The following LTA4H variants were observed in gnomAD, a reference collection of about 807,000 sequenced individuals.
LTA4H encodes the protein leukotriene A4 hydrolase.
LTA4H carries 59 observed loss-of-function variants against 89.8 expected under a neutral mutation model. The observed-to-expected ratio is 0.66, with a 90% CI of 0.53 to 0.82. The LOEUF is 0.82. LTA4H is among the 40% of genes least tolerant of loss of function. The pLI is 0.00. For missense variants in LTA4H, 617 were observed against 727.0 expected (o/e 0.85, Z 1.74); for synonymous variants, 227 against 253.1 (o/e 0.90, Z 0.98).
chr12:96,021,548 GC>G (rs1950452502), intron 5 of LTA4H, among the ~76,000 whole-genome samples: 2 of 151,868 alleles, frequency 1.3e-5, no homozygotes, highest in African/African-American at 4.8e-5. Context: ...AGCACTATTG[GC>G]ATGTTGTAGA....
chr12:96,019,879 C>T (rs894222526), intron 6 of LTA4H, among the ~76,000 whole-genome samples: 3 of 148,590 alleles, frequency 2.0e-5, no homozygotes, highest in African/African-American at 4.9e-5. Context: ...GGATTACAGG[C>T]GTGAGCCACC....
At chr12:96,038,326 CT>C (rs1950665065), upstream of LTA4H, among the ~76,000 whole-genome samples, 1 of 152,172 alleles carries the variant, frequency 6.6e-6, no homozygotes, top group Non-Finnish European at 1.5e-5. Flanking sequence ...ACTATGAAAT[CT>C]AATACCTTAC....
upstream of LTA4H, chr12:96,035,615 G>A (rs1950633692): frequency 7.5e-6 from 11 of 1,467,176 alleles, no homozygotes; most frequent in Non-Finnish European, 9.1e-6. Context: ...GAGAGGTAAA[G>A]AAGAGGAGGA....
At chr12:96,017,463 C>T in intron 9 of LTA4H, 94 bp downstream of exon 9, 1 of 1,094,512 alleles carries the variant, frequency 9.1e-7, no homozygotes, top group Non-Finnish European at 1.4e-6. Flanking sequence ...TCCATTATAA[C>T]CATATCTTTA....
intron 1 of LTA4H, among the ~76,000 whole-genome samples, chr12:96,042,761 C>T (rs947439692): frequency 2.6e-5 from 4 of 152,146 alleles, no homozygotes; most frequent in African/African-American, 9.7e-5. Flanking sequence ...ATTCCTGTAA[C>T]CGGTTACAGA....
At chr12:96,016,409 GAGACC>G in intron 10 of LTA4H, among the ~76,000 whole-genome samples, 1 of 151,778 alleles carries the variant, frequency 6.6e-6, no homozygotes, top group South Asian at 2.1e-4. Flanking sequence ...TCAGGAGTTT[GAGACC>G]AGTCTGGGCG....
chr12:96,024,631 C>T, intron 3 of LTA4H, 84 bp from the exon 4 acceptor site: 7 of 834,766 alleles, frequency 8.4e-6, no homozygotes, highest in Non-Finnish European at 1.2e-5. Flanking sequence ...CAGCATTGTT[C>T]TTAGACATTA....
At chr12:96,020,127 A>T (rs1192821256) in intron 6 of LTA4H, among the ~76,000 whole-genome samples, 1 of 148,560 alleles carries the variant, frequency 6.7e-6, no homozygotes, top group Non-Finnish European at 1.5e-5. Flanking sequence ...CTGGTCTTGA[A>T]CTCCTGGGCT....
Position 96,014,845 on chromosome 12 carries a change from A to G in LTA4H, c.1204+10T>C. On this transcript the variant is annotated intron_variant, in intron 12 of 18. Transcript: ENST00000228740. Reference sequence around the variant, plus strand: ...AAGAAAAAAAAAATCATAAAATACCAACTACTTACCTGGTCCTCCAAGCAG... The same window carrying G: ...AAGAAAAAAAAAATCATAAAATACCGACTACTTACCTGGTCCTCCAAGCAG... 6.3e-7 allele frequency: 1 copy of G among 1,587,220 alleles called. No homozygotes were observed. The highest frequency in any genetic ancestry group is 8.5e-7 in the Non-Finnish European group (1 of 1,173,126).
chr12:96,024,709 C>T (rs1283301775), intron 3 of LTA4H, among the ~76,000 whole-genome samples, 162 bp from the exon 4 acceptor site: 1 of 149,324 alleles, frequency 6.7e-6, no homozygotes, highest in Admixed American at 6.7e-5. Context: ...ACTCTTGTTG[C>T]CCAGGCTGGA....
intron 16 of LTA4H, 103 bp downstream of exon 16, chr12:96,006,211 C>T (rs1363479330): frequency 1.0e-5 from 6 of 583,694 alleles, no homozygotes; most frequent in South Asian, 5.3e-5. Context: ...TGATTTTTTC[C>T]CCATTAGTTT....
intron 3 of LTA4H, among the ~76,000 whole-genome samples, chr12:96,024,800 C>G (rs1260384500): frequency 1.3e-5 from 2 of 151,902 alleles, no homozygotes; most frequent in Admixed American, 1.3e-4. Context: ...TCCCGAGTAG[C>G]TGGGATTACA....
chr12:96,020,568 G>GATA (rs1171496439), intron 6 of LTA4H: 3 of 152,492 alleles, frequency 2.0e-5, no homozygotes, highest in African/African-American at 7.2e-5. Flanking sequence ...CAACAATGTG[G>GATA]ATATACTTAA....
At chr12:96,043,189 T>G in intron 1 of LTA4H, 1 of 838,026 alleles carries the variant, frequency 1.2e-6, no homozygotes, top group Non-Finnish European at 1.9e-6. Flanking sequence ...GTTGGCAAAG[T>G]GAGAACATGT....
intron 1 of LTA4H, among the ~76,000 whole-genome samples, chr12:96,034,086 G>C (rs1439777404): frequency 1.3e-5 from 2 of 152,164 alleles, no homozygotes; most frequent in Non-Finnish European, 2.9e-5. Flanking sequence ...TCATATTAAT[G>C]AAATCAAAAT....
At chr12:96,018,994 AG>A in intron 7 of LTA4H, 91 bp from the exon 8 acceptor site, 1 of 1,294,796 alleles carries the variant, frequency 7.7e-7, no homozygotes, top group East Asian at 2.4e-5. Context: ...GAAGGTTACA[AG>A]TTAATGATTT....
At chr12:96,026,763 GAAGT>G (rs150764705) in intron 3 of LTA4H, among the ~76,000 whole-genome samples, 1,656 of 152,292 alleles carry the variant, frequency 0.011, 22 homozygotes, top group South Asian at 0.068. Flanking sequence ...AACGTTTAAT[GAAGT>G]CAGTTCCCTT....
intron 3 of LTA4H, among the ~76,000 whole-genome samples, chr12:96,027,133 T>C (rs944404079): frequency 1.1e-4 from 16 of 152,236 alleles, no homozygotes; most frequent in Admixed American, 1.0e-3. Context: ...TATTAATTTT[T>C]CCTTTCATTT....
chr12:96,009,469 A>G lies in LTA4H; in HGVS notation c.1380-321T>C, dbSNP rs1950261343. On this transcript the variant is annotated intron_variant, in intron 14 of 18. Coordinates refer to ENST00000228740, the MANE Select transcript of LTA4H (RefSeq NM_000895.3). ...GGAATCAGTTGAGCATATTTAGTAC[A>G]TGGCAGGAACAGTTCTAGGCACTCA... 5 of 294,362 alleles carry G rather than the reference A, an allele frequency of 1.7e-5. No individual in the cohort carries two copies. The South Asian group carries it at 2.0e-4, about 12-fold the overall frequency. The allele number at this position is 294,362 out of a possible 1,614,324, so 18.2% of individuals were successfully genotyped here.
Sources: allele counts gnomAD v4.1 joint callset (sites outside exome capture counted in the v4.1 genomes callset), GRCh38; gene constraint gnomAD v4.1.1; transcripts MANE v1.5; gene names NCBI Gene and HGNC (gene_info 2026-07-23, HGNC 2026-07-21).